The following RALGAPA1 variants were observed in gnomAD, a reference collection of about 807,000 sequenced individuals.
RALGAPA1 encodes Ral GTPase activating protein catalytic subunit alpha 1.
In RALGAPA1, 52 loss-of-function variants were observed where a neutral mutation model predicts 269.6. The observed-to-expected ratio is 0.19, with a 90% CI of 0.15 to 0.24. RALGAPA1 has a LOEUF of 0.24. Among genes scored for constraint, RALGAPA1 ranks in the 10% least tolerant of loss-of-function variants. The probability of loss-of-function intolerance (pLI) is 1.00; values close to 1 mark genes in which losing one functional copy is unlikely to be tolerated. For synonymous variants in RALGAPA1, 817 were observed against 1,008.3 expected, an observed-to-expected ratio of 0.81 and a Z score of 3.60; for missense variants, 1,917 against 3,013.9, an observed-to-expected ratio of 0.64 and a Z score of 8.52.
chr14:35,594,740 C>T (rs1000634851), intron 37 of RALGAPA1, among the ~76,000 whole-genome samples: 7 of 148,384 alleles, frequency 4.7e-5, no homozygotes, highest in South Asian at 2.1e-4. Context: ...AAAAAAAGTA[C>T]GGAGGTTCTT....
intron 1 of RALGAPA1, among the ~76,000 whole-genome samples, chr14:35,779,600 C>T (rs1287141515): frequency 6.6e-6 from 1 of 151,026 alleles, no homozygotes; most frequent in African/African-American, 2.4e-5. Context: ...TAGGCTGCTA[C>T]AATTACCTCT....
At chr14:35,631,930 GGTACCAGA>G (rs57371718) in intron 33 of RALGAPA1, among the ~76,000 whole-genome samples, 2,739 of 152,216 alleles carry the variant, frequency 0.018, 81 homozygotes, top group African/African-American at 0.062. Flanking sequence ...TCGAAGCTCA[GGTACCAGA>G]GTATCCCATA....
chr14:35,771,347 T>A (rs1232473853), intron 3 of RALGAPA1, among the ~76,000 whole-genome samples: 1 of 152,050 alleles, frequency 6.6e-6, no homozygotes, highest in Non-Finnish European at 1.5e-5. Flanking sequence ...TGAGCCGAGA[T>A]CACGCCACTG....
chr14:35,663,680 C>T (rs2063715098), intron 27 of RALGAPA1, among the ~76,000 whole-genome samples: 1 of 151,584 alleles, frequency 6.6e-6, no homozygotes, highest in Non-Finnish European at 1.5e-5. Context: ...AGCTCCACCT[C>T]CTGGGTTCAC....
At chr14:35,742,634 G>A (rs2071669985) in intron 10 of RALGAPA1, 69 bp from the exon 11 acceptor site, 1 of 1,048,168 alleles carries the variant, frequency 9.5e-7, no homozygotes. Context: ...ACGCAGTAAT[G>A]TTTTTCACAT....
intron 13 of RALGAPA1, 116 bp downstream of exon 13, chr14:35,728,246 A>G: frequency 1.1e-6 from 1 of 911,000 alleles, no homozygotes; most frequent in Non-Finnish European, 1.5e-6. Context: ...ATTCAATAAT[A>G]GGAGCCTCTA....
Position 35,634,706 on chromosome 14 carries a change from A to C in RALGAPA1, c.5863T>G (p.Phe1955Val). The C allele has an allele frequency of 1.2e-6, 2 of 1,613,152 alleles. No individual in the cohort carries two copies. The highest frequency in any genetic ancestry group is 1.7e-6 in the Non-Finnish European group (2 of 1,179,392). ...GAQCFSNPRY[F>V]PMSLSDLASV... ...GCCAAATCAGAGAGGCTCATGGGAA[A>C]ATACCTTGGATTGCTAAAACACTGA... Residue 1955 changes from phenylalanine (F) to valine (V), a missense_variant, in exon 33 of 42, where the codon TTT becomes GTT. Physicochemically the swap from Phe to Val is conservative, Grantham distance 50 (BLOSUM62 -1). Around this residue, in one of 11 missense-constraint regions of RALGAPA1, gnomAD observed 346 missense variants for 566.1 expected, o/e 0.61. Transcript: ENST00000680220.
intron 27 of RALGAPA1, among the ~76,000 whole-genome samples, chr14:35,662,986 G>A (rs1005900594): frequency 6.6e-6 from 1 of 151,820 alleles, no homozygotes; most frequent in Admixed American, 6.6e-5. Context: ...GCTGGAGTGC[G>A]GTGGCACAAC....
Position 35,750,688 on chromosome 14 carries a change from T to C in RALGAPA1, c.805A>G (p.Ile269Val). Residue 269 changes from isoleucine to valine, a missense_variant and splice_region_variant, in exon 9 of 42, where the codon ATC becomes GTC. Physicochemically the swap from Ile to Val is conservative, Grantham distance 29. Around this residue, in one of 11 missense-constraint regions of RALGAPA1, gnomAD observed 462 missense variants for 725.6 expected, o/e 0.64. Transcript: ENST00000680220. ...TGTGGCTTTGGTCTCATCTGCGGGATGTCTGTGCAAAATAAAAGGAAGATG... is the reference window on the plus strand; with the variant it reads ...TGTGGCTTTGGTCTCATCTGCGGGACGTCTGTGCAAAATAAAAGGAAGATG... ...ENSLYHPILD[I>V]PQMRPKPHYV... 1 of 1,582,776 alleles carries C rather than the reference T, an allele frequency of 6.3e-7. No individual in the cohort carries two copies.
At chr14:35,626,998 GT>G in intron 34 of RALGAPA1, 91 bp downstream of exon 34, 1 of 1,271,730 alleles carries the variant, frequency 7.9e-7, no homozygotes, top group Non-Finnish European at 1.0e-6. Flanking sequence ...ATAAAATTTA[GT>G]GAGGAAAAGA....
intron 31 of RALGAPA1, among the ~76,000 whole-genome samples, chr14:35,645,527 G>A (rs1441727683): frequency 2.6e-5 from 4 of 152,106 alleles, no homozygotes; most frequent in African/African-American, 7.2e-5. Flanking sequence ...TCAGGAGATC[G>A]AGACCATCCT....
chr14:35,562,619 G>A (rs145299823), intron 39 of RALGAPA1, among the ~76,000 whole-genome samples: 1 of 152,072 alleles, frequency 6.6e-6, no homozygotes, highest in Non-Finnish European at 1.5e-5. Context: ...ACTGATCCTA[G>A]GTTTCCTCTT....
At chr14:35,768,046 A>G (rs899166136) in intron 4 of RALGAPA1, among the ~76,000 whole-genome samples, 1 of 151,810 alleles carries the variant, frequency 6.6e-6, no homozygotes, top group Non-Finnish European at 1.5e-5. Context: ...AAGTGCTGGG[A>G]TTATAGGCAT....
chr14:35,754,570 T>G (rs929638015), intron 7 of RALGAPA1, among the ~76,000 whole-genome samples: 1 of 152,262 alleles, frequency 6.6e-6, no homozygotes, highest in Admixed American at 6.5e-5. Flanking sequence ...CCGTACCAAC[T>G]GTTGGTGAGG....
At chr14:35,563,496 T>C (rs1263890313) in intron 39 of RALGAPA1, among the ~76,000 whole-genome samples, 2 of 152,012 alleles carry the variant, frequency 1.3e-5, no homozygotes, top group African/African-American at 2.4e-5. Flanking sequence ...TACAGGTATA[T>C]TGGACAAAAC....
intron 28 of RALGAPA1, among the ~76,000 whole-genome samples, chr14:35,656,714 C>T (rs929242438): frequency 2.0e-5 from 3 of 152,178 alleles, no homozygotes; most frequent in Admixed American, 6.5e-5. Flanking sequence ...TCTTCCTTAA[C>T]ACAGCAGATC....
chr14:35,722,864 TAAAAAGG>T (rs2069554678), intron 15 of RALGAPA1, among the ~76,000 whole-genome samples, 156 bp downstream of exon 15: 2 of 152,148 alleles, frequency 1.3e-5, no homozygotes, highest in Admixed American at 6.5e-5. Context: ...TTGCTTACGA[TAAAAAGG>T]AATGGTATTT....
At chr14:35,798,989 T>C (rs2076772019) in intron 1 of RALGAPA1, among the ~76,000 whole-genome samples, 1 of 139,706 alleles carries the variant, frequency 7.2e-6, no homozygotes, top group African/African-American at 2.7e-5. Context: ...CAGCTGTCTG[T>C]GTCAAAAAAA....
At chr14:35,771,767 C>T (rs2074646556) in intron 3 of RALGAPA1, among the ~76,000 whole-genome samples, 1 of 152,114 alleles carries the variant, frequency 6.6e-6, no homozygotes, top group African/African-American at 2.4e-5. Context: ...AACTCCCAGA[C>T]TCAAGCAATC....
Sources: gnomAD v4.1 joint callset for allele counts (sites outside exome capture counted in the v4.1 genomes callset) on GRCh38, gnomAD v4.1.1 for gene constraint, gnomAD v4.1.1 regional missense constraint, MANE v1.5 for transcripts, NCBI Gene and HGNC (gene_info 2026-07-23, HGNC 2026-07-21) for gene names.